Variants in CCP110 observed in about 807,000 individuals in gnomAD.
CCP110 encodes the protein centriolar coiled-coil protein of 110 kDa.
In CCP110, 43 loss-of-function variants were observed where a neutral mutation model predicts 105.5. The observed-to-expected ratio is 0.41, with a 90% CI of 0.32 to 0.53. The LOEUF is 0.53. CCP110 is among the 20% of genes least tolerant of loss of function. CCP110 has a pLI of 0.32. For missense variants in CCP110, 1,016 were observed against 1,189.1 expected (o/e 0.85, Z 2.14); for synonymous variants, 353 against 392.1 (o/e 0.90, Z 1.18).
At chr16:19,543,748 G>A (rs995262951) in intron 8 of CCP110, among the ~76,000 whole-genome samples, 6 of 152,114 alleles carry the variant, frequency 3.9e-5, no homozygotes, top group South Asian at 2.1e-4. Context: ...TGTCTTATGC[G>A]GTTGAGATAA....
intron 3 of CCP110, 139 bp downstream of exon 3, chr16:19,532,683 AT>A: frequency 3.0e-6 from 2 of 664,534 alleles, no homozygotes; most frequent in Non-Finnish European, 4.8e-6. Flanking sequence ...ATAATTTGTG[AT>A]TTTCCATTTC....
At chr16:19,536,127 A>T (rs1294887680) in exon 4 of CCP110, 1 of 1,613,906 alleles carries the variant, frequency 6.2e-7, no homozygotes, top group Non-Finnish European at 8.5e-7. Flanking sequence ...AATGAGGACC[A>T]ATGTAAAACT....
intron 4 of CCP110, among the ~76,000 whole-genome samples, chr16:19,538,940 C>T (rs1423713816): frequency 8.6e-5 from 13 of 151,690 alleles, no homozygotes; most frequent in South Asian, 2.1e-4. Context: ...GGCGAAACCC[C>T]GTCTCTACTA....
chr16:19,548,571 GCAGAGTGCCTAA>G lies in CCP110; in HGVS notation c.2968_2979del (p.Asn990_Pro993del). The G allele has an allele frequency of 1.3e-6, 2 of 1,549,786 alleles. No individual in the cohort carries two copies. Among genetic ancestry groups the G allele is most frequent in the Non-Finnish European group, 1.7e-6 (2 of 1,146,350 alleles). On this transcript the variant is annotated inframe_deletion, in exon 14 of 15. Coordinates refer to ENST00000381396, the Ensembl canonical transcript of CCP110. The surrounding 1 kb of genome is among the most constrained non-coding windows in gnomAD (Gnocchi z 4.1). Reference sequence around the variant, plus strand: ...CAAAATAGACAGAAGCCTTCACAGAGCAGAGTGCCTAACAGAGTGCCTGTTTCAGGTTTGTAG... The same window carrying G: ...CAAAATAGACAGAAGCCTTCACAGAGCAGAGTGCCTGTTTCAGGTTTGTAG...
At chr16:19,532,520 C>G in exon 3 of CCP110, 1 of 1,608,286 alleles carries the variant, frequency 6.2e-7, no homozygotes, top group South Asian at 1.1e-5. Flanking sequence ...TGACTCGTGT[C>G]CAGGAGATTC....
At chr16:19,540,834 A>C in intron 5 of CCP110, 47 bp downstream of exon 5, 1 of 1,584,650 alleles carries the variant, frequency 6.3e-7, no homozygotes, top group Non-Finnish European at 8.6e-7. Context: ...AATTTAGCCA[A>C]GGATACCTAT....
chr16:19,526,766 G>A (rs1597247085), intron 1 of CCP110: 1 of 151,726 alleles, frequency 6.6e-6, no homozygotes, highest in African/African-American at 2.4e-5. Flanking sequence ...GGCCTACCGA[G>A]GACATATCCT....
intron 8 of CCP110, 90 bp downstream of exon 8, chr16:19,543,084 T>TA: frequency 1.3e-6 from 1 of 762,426 alleles, no homozygotes. Flanking sequence ...GTTCAGAACT[T>TA]AAACGCTTTT....
At chr16:19,531,705 C>T (rs1308540316) in intron 2 of CCP110, among the ~76,000 whole-genome samples, 2 of 152,160 alleles carry the variant, frequency 1.3e-5, no homozygotes, top group Non-Finnish European at 1.5e-5. Flanking sequence ...CGGTGGCTCG[C>T]GCCTGTAATC....
At chr16:19,537,380 T>A (rs112924275) in exon 4 of CCP110, 3 of 1,610,962 alleles carry the variant, frequency 1.9e-6, no homozygotes, top group African/African-American at 2.7e-5. Context: ...TATGGTGTCC[T>A]GTGGAAATGA....
chr16:19,530,049 G>C (rs8060735), intron 2 of CCP110, among the ~76,000 whole-genome samples: 55,263 of 151,294 alleles, frequency 0.37, 11,524 homozygotes, highest in East Asian at 0.56. Flanking sequence ...ATACAAAAAA[G>C]AGCTGGGTGT....
At chr16:19,534,632 A>T (rs769552250) in intron 3 of CCP110, among the ~76,000 whole-genome samples, 127 of 147,226 alleles carry the variant, frequency 8.6e-4, no homozygotes, top group Non-Finnish European at 1.4e-3. Flanking sequence ...TGAGGCTGTG[A>T]CTAAGTATGT....
exon 15 of CCP110, chr16:19,551,921 A>G (rs956040073): frequency 6.6e-6 from 1 of 152,190 alleles, no homozygotes; most frequent in Non-Finnish European, 1.5e-5. Context: ...CATTTGTACT[A>G]GGTTATAAGA....
At chr16:19,544,833 G>C (rs1236424796) in exon 9 of CCP110, 8 of 1,601,776 alleles carry the variant, frequency 5.0e-6, no homozygotes, top group Non-Finnish European at 6.8e-6. Flanking sequence ...TCAGTCAGAA[G>C]CACCATTAAA....
chr16:19,542,449 A>G (rs1398790991), intron 6 of CCP110, among the ~76,000 whole-genome samples, 172 bp from the exon 7 acceptor site: 1 of 152,218 alleles, frequency 6.6e-6, no homozygotes, highest in Admixed American at 6.5e-5. Context: ...TTTGTGTTGA[A>G]AAGATCCACC....
intron 2 of CCP110, 21 bp from the exon 3 acceptor site, chr16:19,532,395 C>T: frequency 6.4e-7 from 1 of 1,560,102 alleles, no homozygotes; most frequent in Non-Finnish European, 8.6e-7. Flanking sequence ...GAAATAATTA[C>T]ATTTTTATGA....
intron 3 of CCP110, among the ~76,000 whole-genome samples, chr16:19,533,163 T>G (rs903954491): frequency 6.6e-6 from 1 of 152,228 alleles, no homozygotes; most frequent in Non-Finnish European, 1.5e-5. Flanking sequence ...CATATAGCAG[T>G]GTTCTGCTGG....
Position 19,548,926 on chromosome 16 carries a change from G to C in CCP110, c.2986+326G>C, listed in dbSNP as rs2151485034. Among the ~76,000 whole-genome samples the C allele has an allele frequency of 6.6e-6, 1 of 152,190 alleles. No individual in the cohort carries two copies. Among genetic ancestry groups the C allele is most frequent in the East Asian group, 1.9e-4 (1 of 5,184 alleles). On this transcript the variant is annotated intron_variant, in intron 14 of 14. Transcript: ENST00000381396. This position sits in a 1 kb window ranked among gnomAD's most constrained non-coding sequence, Gnocchi z 4.1. Reference sequence around the variant, plus strand: ...GAATAAAAGATAACGATCATCTCTGGTGCTAAGTCTGTGCATTGTCTGTTC... The same window carrying C: ...GAATAAAAGATAACGATCATCTCTGCTGCTAAGTCTGTGCATTGTCTGTTC...
chr16:19,538,625 T>C (rs1970167813), intron 4 of CCP110, among the ~76,000 whole-genome samples: 1 of 152,028 alleles, frequency 6.6e-6, no homozygotes, highest in Non-Finnish European at 1.5e-5. Flanking sequence ...CAGTCTTGCC[T>C]GAAACATCAC....
Sources: gnomAD v4.1 joint callset for allele counts (sites outside exome capture counted in the v4.1 genomes callset) on GRCh38, gnomAD v4.1.1 for gene constraint, Gnocchi (gnomAD v3.1) non-coding constraint, MANE v1.5 for transcripts, NCBI Gene and HGNC (gene_info 2026-07-23, HGNC 2026-07-21) for gene names.